BRIP1: variants seen among roughly 807,000 people sequenced by gnomAD.
BRIP1 encodes BRCA1 interacting DNA helicase 1.
BRIP1 carries 88 observed loss-of-function variants against 119.7 expected under a neutral mutation model. The observed-to-expected ratio is 0.74, with a 90% CI of 0.62 to 0.88. BRIP1 has a LOEUF of 0.88. Among genes scored for constraint, BRIP1 ranks in the 40% least tolerant of loss-of-function variants. The probability of loss-of-function intolerance (pLI) is 0.00; values close to 1 mark genes in which losing one functional copy is unlikely to be tolerated. For synonymous variants in BRIP1, 443 were observed against 496.5 expected (o/e 0.89, Z 1.43); for missense variants, 1,259 against 1,455.4 (o/e 0.87, Z 2.20).
In BRIP1 at chr17:61,801,370, G is replaced by A. The variant is rs957014406; in HGVS notation, c.1023C>T (p.Val341=). Residue 341 remains valine (V), a synonymous_variant, in exon 8 of 20, where the codon GTC becomes GTT. Coordinates refer to ENST00000259008, the MANE Select transcript of BRIP1 (RefSeq NM_032043.3). ...AGGCCTTTAGTTTCTTCCCCAGGCT[G>A]ACAAGTTCTTCTATATCCCAGGCTT... ...MCKAWDIEEL[V]SLGKKLKACP... 3 of 1,613,790 alleles carry A rather than the reference G, an allele frequency of 1.9e-6. No homozygotes were observed. Among genetic ancestry groups the A allele is most frequent in the African/African-American group, 1.3e-5 (1 of 74,900 alleles).
At position 61,740,414 on chromosome 17, in the gene BRIP1, T is replaced by A. The variant is rs950604904; in HGVS notation, c.2379+2599A>T. Among the ~76,000 whole-genome samples, 1 of 152,178 alleles carries A rather than the reference T, an allele frequency of 6.6e-6. No homozygotes were observed. Among genetic ancestry groups the A allele is most frequent in the African/African-American group, 2.4e-5 (1 of 41,428 alleles). ...CTATTAAGTTCCCAGGTGATACGAA[T>A]GCACCTGGCCCAGGACCAGACTTTG... is the stretch of plus-strand genomic sequence containing the variant. On this transcript the variant is annotated intron_variant, in intron 16 of 19. Transcript: ENST00000259008. This position sits in a 1 kb window ranked among gnomAD's most constrained non-coding sequence, Gnocchi z 5.4.
chr17:61,820,815 T>G (rs2078309057), intron 6 of BRIP1, among the ~76,000 whole-genome samples: 1 of 152,118 alleles, frequency 6.6e-6, no homozygotes, highest in East Asian at 1.9e-4. Context: ...CCAGGCGTGG[T>G]GGCATGCACC....
In BRIP1 at chr17:61,849,228, T is replaced by G. The variant is rs876660891; in HGVS notation, c.408A>C (p.Ala136=). Residue 136 remains alanine, a synonymous_variant, in exon 5 of 20, where the codon GCA becomes GCC. Coordinates refer to ENST00000259008, the MANE Select transcript of BRIP1 (RefSeq NM_032043.3). Reference sequence around the variant, plus strand: ...ATGCCTGTTTCTTAGCAGATAACTTTGCAGCCAGAGTGGTTTTTTCAGGGG... The same window carrying G: ...ATGCCTGTTTCTTAGCAGATAACTTGGCAGCCAGAGTGGTTTTTTCAGGGG... ...QDSPEKTTLA[A]KLSAKKQASI... is the part of the protein sequence containing the mutation. 2 of 1,613,264 alleles carry G rather than the reference T, an allele frequency of 1.2e-6. No individual in the cohort carries two copies. The highest frequency in any genetic ancestry group is 1.7e-6 in the Non-Finnish European group (2 of 1,179,400).
At chr17:61,838,229 T>C (rs17542001) in intron 6 of BRIP1, among the ~76,000 whole-genome samples, 28,796 of 152,034 alleles carry the variant, frequency 0.19, 3,154 homozygotes, top group Admixed American at 0.3. Flanking sequence ...AAAAGCAAGA[T>C]AGGAAAAGCG....
chr17:61,717,347 G>A lies in BRIP1; in HGVS notation c.2380-1284C>T, dbSNP rs547262880. Among the ~76,000 whole-genome samples the A allele has an allele frequency of 1.8e-3, 274 of 152,072 alleles. 1 individual carries two copies. The highest frequency in any genetic ancestry group is 0.017 in the Middle Eastern group (5 of 294). On this transcript the variant is annotated intron_variant, in intron 16 of 19. Coordinates refer to ENST00000259008, the MANE Select transcript of BRIP1 (RefSeq NM_032043.3). This position sits in a 1 kb window ranked among gnomAD's most constrained non-coding sequence, Gnocchi z 4.1. The stretch of plus-strand genomic sequence containing the variant: ...TTTCTGGCACTCTTCATTTTCTCAC[G>A]TAGATTTAAATTTCCATCTGGTATC...
chr17:61,743,199 A>T lies in BRIP1; in HGVS notation c.2258-65T>A. ...ATTGCTTATTCTTGTCATTTTGAAA[A>T]TACCTGATTTATAATTATAGTAATT... On this transcript the variant is annotated intron_variant, in intron 15 of 19. Transcript: ENST00000259008. This position sits in a 1 kb window ranked among gnomAD's most constrained non-coding sequence, Gnocchi z 4.3. 1 of 1,545,274 alleles carries T rather than the reference A, an allele frequency of 6.5e-7. No homozygotes were observed. The highest frequency in any genetic ancestry group is 8.9e-7 in the Non-Finnish European group (1 of 1,120,036).
rs2077181412 is a variant in BRIP1, at chr17:61,754,989, T to C, written c.2098-10398A>G. On this transcript the variant is annotated intron_variant, in intron 14 of 19. Coordinates refer to ENST00000259008, the MANE Select transcript of BRIP1 (RefSeq NM_032043.3). The surrounding 1 kb of genome is among the most constrained non-coding windows in gnomAD (Gnocchi z 4.1). The stretch of plus-strand genomic sequence containing the variant: ...TGGTGGTATACAAACATTCAGTCCA[T>C]AATATCATCTAACATATTAGTAGCT... 6.6e-6 allele frequency among the ~76,000 whole-genome samples: 1 copy of C among 152,160 alleles called. No homozygotes were observed. Among genetic ancestry groups the C allele is most frequent in the African/African-American group, 2.4e-5 (1 of 41,440 alleles).
At position 61,708,934 on chromosome 17, in the gene BRIP1, T is replaced by G. The variant is rs2061733570; in HGVS notation, c.2492+7017A>C. ...AGGGGGGTGGAGTTCTCACATTCAG[T>G]ATGTAAAATCCCCGTATATAATATT... On this transcript the variant is annotated intron_variant, in intron 17 of 19. Transcript: ENST00000259008. The surrounding 1 kb of genome is among the most constrained non-coding windows in gnomAD (Gnocchi z 4.4). Among the ~76,000 whole-genome samples, 1 of 152,164 alleles carries G rather than the reference T, an allele frequency of 6.6e-6. No homozygotes were observed.
chr17:61,834,618 T>C lies in BRIP1; in HGVS notation c.627+12483A>G, dbSNP rs1278526701. Among the ~76,000 whole-genome samples, 1 of 152,168 alleles carries C rather than the reference T, an allele frequency of 6.6e-6. No individual in the cohort carries two copies. The highest frequency in any genetic ancestry group is 2.4e-5 in the African/African-American group (1 of 41,430). On this transcript the variant is annotated intron_variant, in intron 6 of 19. Coordinates refer to ENST00000259008, the MANE Select transcript of BRIP1 (RefSeq NM_032043.3). This position sits in a 1 kb window ranked among gnomAD's most constrained non-coding sequence, Gnocchi z 4.4. The stretch of plus-strand genomic sequence containing the variant: ...CTTGAGTCTGGATTTGGTCATGTGA[T>C]TTGCTTTTGGTGACTGGAACATTAG...
At chr17:61,849,018 G>A (rs2078774989) in intron 5 of BRIP1, 111 bp downstream of exon 5, 1 of 1,150,566 alleles carries the variant, frequency 8.7e-7, no homozygotes, top group Admixed American at 1.9e-5. Flanking sequence ...ATTAATTTAT[G>A]GCTGTCACAT....
At chr17:61,830,200 C>G (rs536617535) in intron 6 of BRIP1, among the ~76,000 whole-genome samples, 2 of 151,640 alleles carry the variant, frequency 1.3e-5, no homozygotes, top group African/African-American at 4.8e-5. Context: ...TCCCAAAGTG[C>G]TGGGATTACA....
Position 61,746,587 on chromosome 17 carries a change from C to CA in BRIP1, c.2098-1997dup, listed in dbSNP as rs56807447. ...CTAAGTCAAAAATTGTCACAAGAGA[C>CA]AAAAAAAAAGGACATTATATAATGA... On this transcript the variant is annotated intron_variant, in intron 14 of 19. Coordinates refer to ENST00000259008, the MANE Select transcript of BRIP1 (RefSeq NM_032043.3). This position sits in a 1 kb window ranked among gnomAD's most constrained non-coding sequence, Gnocchi z 4.9. Among the ~76,000 whole-genome samples the CA allele has an allele frequency of 7.3e-5, 11 of 151,072 alleles. No individual in the cohort carries two copies. Among genetic ancestry groups the CA allele is most frequent in the African/African-American group, 2.4e-4 (10 of 41,046 alleles).
rs956813421 is a variant in BRIP1 at position 61,810,901 on chromosome 17, A to T, written c.628-2144T>A. 6.6e-6 allele frequency among the ~76,000 whole-genome samples: 1 copy of T among 152,170 alleles called. No individual in the cohort carries two copies. The highest frequency in any genetic ancestry group is 2.4e-5 in the African/African-American group (1 of 41,448). On this transcript the variant is annotated intron_variant, in intron 6 of 19. Coordinates refer to ENST00000259008, the MANE Select transcript of BRIP1 (RefSeq NM_032043.3). This position sits in a 1 kb window ranked among gnomAD's most constrained non-coding sequence, Gnocchi z 4.7. The stretch of plus-strand genomic sequence containing the variant: ...TTTTACAACTAGATACTTTGTTTTC[A>T]AAGTTTTTAATTTTTAAAAGGGGTG...
Position 61,808,097 on chromosome 17 carries a change from AG to A in BRIP1, c.918+369del, listed in dbSNP as rs1306308080. Among the ~76,000 whole-genome samples, 2 of 152,180 alleles carry A rather than the reference AG, an allele frequency of 1.3e-5. No individual in the cohort carries two copies. The highest frequency in any genetic ancestry group is 4.8e-5 in the African/African-American group (2 of 41,466). On this transcript the variant is annotated intron_variant, in intron 7 of 19. Coordinates refer to ENST00000259008, the MANE Select transcript of BRIP1 (RefSeq NM_032043.3). The surrounding 1 kb of genome is among the most constrained non-coding windows in gnomAD (Gnocchi z 4.1). ...AAACTATCTGCTTTTGAAGTTTTTAAGTATATAAAGTATATTAATTAGATCT... is the reference window on the plus strand; with the variant it reads ...AAACTATCTGCTTTTGAAGTTTTTAATATATAAAGTATATTAATTAGATCT...
chr17:61,762,048 C>T lies in BRIP1; in HGVS notation c.2097+14353G>A, dbSNP rs185024588. Among the ~76,000 whole-genome samples, 1 of 151,940 alleles carries T rather than the reference C, an allele frequency of 6.6e-6. No individual in the cohort carries two copies. The highest frequency in any genetic ancestry group is 1.5e-5 in the Non-Finnish European group (1 of 67,922). On this transcript the variant is annotated intron_variant, in intron 14 of 19. Transcript: ENST00000259008. The surrounding 1 kb of genome is among the most constrained non-coding windows in gnomAD (Gnocchi z 4.3). ...AGTAATTAAAACAGCATGGTATTGGCATAAAAAACAGCCACAGTGACCAAC... is the reference window on the plus strand; with the variant it reads ...AGTAATTAAAACAGCATGGTATTGGTATAAAAAACAGCCACAGTGACCAAC...
rs546376351 is a variant in BRIP1 at position 61,732,753 on chromosome 17, G to A, written c.2379+10260C>T. ...GTCGCCCAGACTGGAGTGCAGTGGCGCAATTTCAGCTCACTGCAACCTTTG... is the reference window on the plus strand; with the variant it reads ...GTCGCCCAGACTGGAGTGCAGTGGCACAATTTCAGCTCACTGCAACCTTTG... On this transcript the variant is annotated intron_variant, in intron 16 of 19. Coordinates refer to ENST00000259008, the MANE Select transcript of BRIP1 (RefSeq NM_032043.3). 2.5e-4 allele frequency among the ~76,000 whole-genome samples: 38 copies of A among 151,826 alleles called. No homozygotes were observed. In the South Asian group the frequency reaches 4.4e-3, roughly 17 times the overall value.
At position 61,691,913 on chromosome 17, in the gene BRIP1, A is replaced by G. The variant is rs1300068020; in HGVS notation, c.2575+1517T>C. ...GGTACTGGCATAAAGAGAACCATAT[A>G]AGCCAATGGAACATAATAGAGAGCT... On this transcript the variant is annotated intron_variant, in intron 18 of 19. Transcript: ENST00000259008. This position sits in a 1 kb window ranked among gnomAD's most constrained non-coding sequence, Gnocchi z 5.0. Among the ~76,000 whole-genome samples the G allele has an allele frequency of 6.6e-6, 1 of 152,272 alleles. No individual in the cohort carries two copies. Among genetic ancestry groups the G allele is most frequent in the African/African-American group, 2.4e-5 (1 of 41,480 alleles).
chr17:61,779,130 T>C (rs1464833593), intron 13 of BRIP1, among the ~76,000 whole-genome samples: 1 of 152,216 alleles, frequency 6.6e-6, no homozygotes, highest in Admixed American at 6.5e-5. Flanking sequence ...TCTTAAATCA[T>C]AGGACTCATA....
Position 61,683,977 on chromosome 17 carries a change from G to A in BRIP1, c.3069C>T (p.Leu1023=), listed in dbSNP as rs61754142. The A allele has an allele frequency of 8.4e-5, 135 of 1,614,036 alleles. No individual in the cohort carries two copies. The highest frequency in any genetic ancestry group is 4.7e-4 in the South Asian group (43 of 91,076). ...TGKIPKATPE[L]GSSENSASSP... ...TAGAGGCACTATTCTCTGATGACCC[G>A]AGCTCAGGTGTTGCCTTCGGTATTT... The change falls in exon 20 of 20, where the codon CTC becomes CTT. Residue 1023 remains leucine, a synonymous_variant. Transcript: ENST00000259008. The surrounding 1 kb of genome is among the most constrained non-coding windows in gnomAD (Gnocchi z 4.7).
Sources: gnomAD v4.1 joint callset for allele counts (sites outside exome capture counted in the v4.1 genomes callset) on GRCh38, gnomAD v4.1.1 for gene constraint, Gnocchi (gnomAD v3.1) non-coding constraint, MANE v1.5 for transcripts, NCBI Gene and HGNC (gene_info 2026-07-23, HGNC 2026-07-21) for gene names.